The following PELI2 variants were observed in gnomAD, a reference collection of about 807,000 sequenced individuals.
PELI2 encodes pellino E3 ubiquitin protein ligase family member 2.
PELI2 carries 23 observed loss-of-function variants against 42.3 expected under a neutral mutation model. The ratio of observed to expected loss-of-function variants is 0.54; its 90% confidence interval spans 0.39 to 0.77. The LOEUF (loss-of-function observed/expected upper bound fraction) is 0.77. PELI2 is among the 30% of genes least tolerant of loss of function. The probability of loss-of-function intolerance (pLI) is 0.00; values close to 1 mark genes in which losing one functional copy is unlikely to be tolerated. For missense variants in PELI2, 463 were observed against 553.2 expected, an observed-to-expected ratio of 0.84 and a Z score of 1.64; for synonymous variants, 245 against 212.2, an observed-to-expected ratio of 1.15 and a Z score of -1.34.
intron 2 of PELI2, among the ~76,000 whole-genome samples, chr14:56,185,445 T>C (rs2139678986): frequency 6.6e-6 from 1 of 152,278 alleles, no homozygotes; most frequent in African/African-American, 2.4e-5. Context: ...CTAAGTAAAA[T>C]GTTGAGCTTT....
intron 1 of PELI2, among the ~76,000 whole-genome samples, chr14:56,119,495 C>T (rs1882984951): frequency 6.6e-6 from 1 of 152,236 alleles, no homozygotes; most frequent in Admixed American, 6.5e-5. Flanking sequence ...CTGCGGGGAG[C>T]TCGCCAGCCT....
chr14:56,213,347 A>G (rs147065743), intron 2 of PELI2, among the ~76,000 whole-genome samples: 25 of 152,344 alleles, frequency 1.6e-4, no homozygotes, highest in African/African-American at 6.0e-4. Flanking sequence ...AGCTTTGCAC[A>G]GTGGAGGCAG....
rs1046883198 is a variant in PELI2 at position 56,297,341 on chromosome 14, G to T, written c.*175G>T. On this transcript the variant is annotated 3_prime_UTR_variant, in exon 6 of 6. Coordinates refer to ENST00000267460, the MANE Select transcript of PELI2 (RefSeq NM_021255.3). ...CAGGAGTGTAACAGATACCAGTGGT[G>T]TGTTGCATGCTCAAAACAGCAGCGT... The T allele has an allele frequency of 2.4e-5, 14 of 581,736 alleles. No homozygotes were observed. The African/African-American group carries it at 2.4e-4, about 10-fold the overall frequency. The allele number at this position is 581,736 out of a possible 1,614,324, so 36.0% of individuals were successfully genotyped here. A position where few individuals can be genotyped will look rare whatever the true frequency, so the allele number is the denominator to read the frequency against.
At chr14:56,133,396 T>C (rs1359528259) in intron 1 of PELI2, among the ~76,000 whole-genome samples, 2 of 152,184 alleles carry the variant, frequency 1.3e-5, no homozygotes, top group Non-Finnish European at 2.9e-5. Context: ...ACAGGATATA[T>C]GGGAGAAGGA....
chr14:56,292,528 G>C (rs1889864254), intron 5 of PELI2, among the ~76,000 whole-genome samples: 1 of 152,216 alleles, frequency 6.6e-6, no homozygotes, highest in Non-Finnish European at 1.5e-5. Context: ...GTCATTTGCA[G>C]TCTAATACAG....
At chr14:56,237,967 G>A (rs4901661) in intron 2 of PELI2, among the ~76,000 whole-genome samples, 61,258 of 151,610 alleles carry the variant, frequency 0.4, 13,072 homozygotes, top group South Asian at 0.53. Flanking sequence ...ATTATGGACA[G>A]TATGTCTTTA....
intron 1 of PELI2, among the ~76,000 whole-genome samples, chr14:56,136,095 GTTATTC>G (rs1452775667): frequency 6.6e-6 from 1 of 152,182 alleles, no homozygotes; most frequent in Non-Finnish European, 1.5e-5. Flanking sequence ...ATTTATACAT[GTTATTC>G]TTATAGATAA....
chr14:56,164,377 C>T (rs903454995), intron 1 of PELI2, among the ~76,000 whole-genome samples: 4 of 151,998 alleles, frequency 2.6e-5, no homozygotes, highest in Non-Finnish European at 5.9e-5. Flanking sequence ...TCCTTGCATC[C>T]CAGGAATAAA....
chr14:56,297,432 T>G lies in PELI2; in HGVS notation c.*266T>G. The G allele has an allele frequency of 2.7e-6, 1 of 365,680 alleles. No individual in the cohort carries two copies. The highest frequency in any genetic ancestry group is 2.1e-5 in the African/African-American group (1 of 47,984). The allele number at this position is 365,680 out of a possible 1,614,324, so 22.7% of individuals were successfully genotyped here. On this transcript the variant is annotated 3_prime_UTR_variant, in exon 6 of 6. Coordinates refer to ENST00000267460, the MANE Select transcript of PELI2 (RefSeq NM_021255.3). ...AATAATTGGATTTAAAATGCTATGCTTCTATTTTTAACCTTGGGTTTTTAA... is the reference window on the plus strand; with the variant it reads ...AATAATTGGATTTAAAATGCTATGCGTCTATTTTTAACCTTGGGTTTTTAA...
At chr14:56,131,923 C>T (rs367937471) in intron 1 of PELI2, among the ~76,000 whole-genome samples, 8 of 152,124 alleles carry the variant, frequency 5.3e-5, no homozygotes, top group East Asian at 3.8e-4. Flanking sequence ...TTAATCGTGC[C>T]GAGTTCAGGA....
At chr14:56,293,781 T>C (rs1027729803) in intron 5 of PELI2, among the ~76,000 whole-genome samples, 6 of 152,172 alleles carry the variant, frequency 3.9e-5, no homozygotes, top group Non-Finnish European at 5.9e-5. Context: ...GTCAAGGGTA[T>C]GTGGAAAATA....
In PELI2 at chr14:56,130,327, G is replaced by A. The variant is rs536784038; in HGVS notation, c.77+11590G>A. Among the ~76,000 whole-genome samples, 5 of 152,268 alleles carry A rather than the reference G, an allele frequency of 3.3e-5. No individual in the cohort carries two copies. In the East Asian group the frequency reaches 9.6e-4, roughly 29 times the overall value. On this transcript the variant is annotated intron_variant, in intron 1 of 5. Coordinates refer to ENST00000267460, the MANE Select transcript of PELI2 (RefSeq NM_021255.3). ...GAAACTGAGTCGTGATGCTTGAGAA[G>A]CTTGTTCAGGGCCACATGTGACAGA...
intron 2 of PELI2, among the ~76,000 whole-genome samples, chr14:56,198,894 T>C (rs1886234498): frequency 6.6e-6 from 1 of 152,228 alleles, no homozygotes; most frequent in Non-Finnish European, 1.5e-5. Flanking sequence ...CTCTGGATTT[T>C]TGACAAAGTG....
chr14:56,250,499 G>A (rs1888308048), intron 2 of PELI2, among the ~76,000 whole-genome samples: 3 of 152,170 alleles, frequency 2.0e-5, no homozygotes, highest in African/African-American at 4.8e-5. Flanking sequence ...TAAGGAAGCC[G>A]ACAGTGCAGC....
At chr14:56,143,022 T>C (rs1233654289) in intron 1 of PELI2, among the ~76,000 whole-genome samples, 1 of 152,226 alleles carries the variant, frequency 6.6e-6, no homozygotes, top group African/African-American at 2.4e-5. Context: ...GGATCTTCTA[T>C]GAATTTCACC....
intron 2 of PELI2, among the ~76,000 whole-genome samples, chr14:56,226,595 C>A (rs1221100017): frequency 6.6e-6 from 1 of 152,190 alleles, no homozygotes; most frequent in Non-Finnish European, 1.5e-5. Flanking sequence ...ACAACAATTA[C>A]TTTATGAAGT....
intron 2 of PELI2, among the ~76,000 whole-genome samples, chr14:56,237,900 C>A (rs1198725117): frequency 6.6e-6 from 1 of 151,806 alleles, no homozygotes; most frequent in Non-Finnish European, 1.5e-5. Context: ...TCCTCCTACC[C>A]CCAACCCTGA....
intron 1 of PELI2, chr14:56,118,968 G>A (rs1178839668): frequency 4.0e-6 from 1 of 252,774 alleles, no homozygotes; most frequent in East Asian, 7.7e-5. Flanking sequence ...CGGAGGACGC[G>A]GCGGAGGAAG....
chr14:56,139,484 C>T (rs1305871846), intron 1 of PELI2, among the ~76,000 whole-genome samples: 1 of 152,032 alleles, frequency 6.6e-6, no homozygotes, highest in Non-Finnish European at 1.5e-5. Context: ...TGACTTCTTT[C>T]CCCCGTTTGT....
Sources: gnomAD v4.1 joint callset for allele counts (sites outside exome capture counted in the v4.1 genomes callset) on GRCh38, gnomAD v4.1.1 for gene constraint, MANE v1.5 for transcripts, NCBI Gene and HGNC (gene_info 2026-07-23, HGNC 2026-07-21) for gene names.